The following WDFY4 variants were observed in gnomAD, a reference collection of about 807,000 sequenced individuals.
The protein encoded by WDFY4 is WD repeat- and FYVE domain-containing protein 4.
Under a neutral mutation model 351.9 loss-of-function variants are expected in WDFY4, and 169 were observed. The observed-to-expected ratio is 0.48, with a 90% CI of 0.42 to 0.55. The LOEUF (loss-of-function observed/expected upper bound fraction) is 0.55. Among genes scored for constraint, WDFY4 ranks in the 20% least tolerant of loss-of-function variants. The pLI is 0.00. For missense variants in WDFY4, 3,803 were observed against 3,935.6 expected, an observed-to-expected ratio of 0.97 and a Z score of 0.90; for synonymous variants, 1,622 against 1,574.6, an observed-to-expected ratio of 1.03 and a Z score of -0.71.
At chr10:48,921,860 T>G (rs1368873914) in intron 47 of WDFY4, among the ~76,000 whole-genome samples, 1 of 152,210 alleles carries the variant, frequency 6.6e-6, no homozygotes, top group Non-Finnish European at 1.5e-5. Context: ...TCTCATTCCT[T>G]GCTGATGGGA....
At chr10:48,808,787 G>A (rs2067342211) in intron 28 of WDFY4, among the ~76,000 whole-genome samples, 1 of 152,202 alleles carries the variant, frequency 6.6e-6, no homozygotes, top group Non-Finnish European at 1.5e-5. Context: ...CTTTTTGAAA[G>A]GGAATGTAGT....
At chr10:48,960,884 A>G (rs1010548670) in intron 53 of WDFY4, among the ~76,000 whole-genome samples, 1 of 152,212 alleles carries the variant, frequency 6.6e-6, no homozygotes, top group Non-Finnish European at 1.5e-5. Flanking sequence ...GAGGCAAACT[A>G]TAGGGACAGA....
At position 48,929,078 on chromosome 10, in the gene WDFY4, G is replaced by C. The variant is rs574351043; in HGVS notation, c.7587-12728G>C. On this transcript the variant is annotated intron_variant, in intron 47 of 61. Coordinates refer to ENST00000325239, the MANE Select transcript of WDFY4 (RefSeq NM_001394531.1). ...TTGGAAGATGCGCTTTTTTAGAAAG[G>C]GGGAGGCCAGGAGGGCCATCTTTGA... 3.3e-5 allele frequency among the ~76,000 whole-genome samples: 5 copies of C among 152,300 alleles called. No homozygotes were observed. The South Asian group carries it at 8.3e-4, about 25-fold the overall frequency.
At chr10:48,843,752 G>A (rs1039015229) in intron 39 of WDFY4, among the ~76,000 whole-genome samples, 1 of 152,218 alleles carries the variant, frequency 6.6e-6, no homozygotes, top group Non-Finnish European at 1.5e-5. Context: ...ACTTCCCAAT[G>A]TAAGATGTAC....
intron 47 of WDFY4, among the ~76,000 whole-genome samples, chr10:48,920,628 C>T (rs2133580084): frequency 6.6e-6 from 1 of 152,248 alleles, no homozygotes; most frequent in Admixed American, 6.5e-5. Context: ...CACACTTTCA[C>T]TATGTCTGTT....
chr10:48,731,795 A>G (rs1304452774), intron 9 of WDFY4, among the ~76,000 whole-genome samples: 1 of 152,176 alleles, frequency 6.6e-6, no homozygotes, highest in Non-Finnish European at 1.5e-5. Context: ...GTGAATTCCC[A>G]GGTTTTAGAT....
At position 48,923,506 on chromosome 10, in the gene WDFY4, A is replaced by ATATATATATATGTATGTATG. The variant is rs143983467; in HGVS notation, c.7587-18293_7587-18292insATATGTATGTATGTATATAT. 1.6e-4 allele frequency among the ~76,000 whole-genome samples: 18 copies of ATATATATATATGTATGTATG among 115,114 alleles called. 3 individuals are homozygous for ATATATATATATGTATGTATG. Among genetic ancestry groups the ATATATATATATGTATGTATG allele is most frequent in the East Asian group, 1.1e-3 (4 of 3,652 alleles). The allele number at this position is 115,114 out of a possible 152,430, so 75.5% of individuals were successfully genotyped here. Reference sequence around the variant, plus strand: ...AACAAATAGTTTTTAGTATATATATATATATATGTCCCAAATACCGCATAG... The same window carrying ATATATATATATGTATGTATG: ...AACAAATAGTTTTTAGTATATATATATATATATATATGTATGTATGTATATATGTCCCAAATACCGCATAG... On this transcript the variant is annotated intron_variant, in intron 47 of 61. Transcript: ENST00000325239.
At chr10:48,748,167 C>T (rs1251379454) in intron 12 of WDFY4, among the ~76,000 whole-genome samples, 1 of 152,170 alleles carries the variant, frequency 6.6e-6, no homozygotes, top group Non-Finnish European at 1.5e-5. Context: ...CTTATTCTGC[C>T]AGCTCTCAGG....
chr10:48,829,100 T>G (rs2068104607), intron 37 of WDFY4, among the ~76,000 whole-genome samples: 1 of 152,148 alleles, frequency 6.6e-6, no homozygotes, highest in African/African-American at 2.4e-5. Context: ...CAAGGCAAGC[T>G]GGTAGAAAGT....
intron 46 of WDFY4, 34 bp from the exon 47 acceptor site, chr10:48,901,767 T>C (rs1316785535): frequency 6.5e-7 from 1 of 1,549,516 alleles, no homozygotes; most frequent in Non-Finnish European, 8.7e-7. Context: ...GTCTTGACTC[T>C]GCTGATGGAA....
intron 59 of WDFY4, 64 bp from the exon 60 acceptor site, chr10:48,978,245 G>A (rs1842660004): frequency 6.6e-7 from 1 of 1,514,154 alleles, no homozygotes; most frequent in Non-Finnish European, 8.9e-7. Context: ...AAATGGACTA[G>A]GCCACTCCAA....
chr10:48,846,617 A>G (rs2068785515), intron 39 of WDFY4, among the ~76,000 whole-genome samples: 1 of 152,164 alleles, frequency 6.6e-6, no homozygotes, highest in Admixed American at 6.5e-5. Context: ...ATCTATGGGG[A>G]CCCAGCCTAA....
At chr10:48,722,112 A>G (rs945608835) in intron 4 of WDFY4, among the ~76,000 whole-genome samples, 1 of 152,148 alleles carries the variant, frequency 6.6e-6, no homozygotes. Flanking sequence ...TGAGATGGGC[A>G]TTTGCAGCCG....
chr10:48,776,773 G>A lies in WDFY4; in HGVS notation c.2887G>A (p.Ala963Thr), dbSNP rs2066045319. ...CSGSQTAQGL[A>T]EGPWPAAPDA... ...AGGGTCACAGACTGCACAGGGCTTG[G>A]CTGAGGGGCCCTGGCCAGCTGCCCC... Residue 963 changes from alanine (A) to threonine (T), a missense_variant, in exon 16 of 62, where the codon GCT becomes ACT. Coordinates refer to ENST00000325239, the MANE Select transcript of WDFY4 (RefSeq NM_001394531.1). 6.5e-7 allele frequency: 1 copy of A among 1,549,536 alleles called. No homozygotes were observed. The highest frequency in any genetic ancestry group is 1.4e-5 in the African/African-American group (1 of 73,030).
At position 48,709,864 on chromosome 10, in the gene WDFY4, G is replaced by A. The variant is rs2132206088; in HGVS notation, c.132G>A (p.Trp44Ter). 6.4e-7 allele frequency: 1 copy of A among 1,551,936 alleles called. No homozygotes were observed. ...GGQSSSPTAL[W>*]DMLERKFLEY... Reference sequence around the variant, plus strand: ...AGTCCTCCAGCCCCACAGCTCTCTGGGACATGCTGGAAAGGAAGTTTCTGG... The same window carrying A: ...AGTCCTCCAGCCCCACAGCTCTCTGAGACATGCTGGAAAGGAAGTTTCTGG... The change falls in exon 2 of 62, where the codon TGG (tryptophan) becomes TGA (stop). Residue 44 changes from tryptophan (W) to a stop codon, truncating the protein, a stop_gained. Transcript: ENST00000325239. LOFTEE classifies it high-confidence loss of function.
intron 43 of WDFY4, among the ~76,000 whole-genome samples, chr10:48,881,271 G>A (rs2070237025): frequency 6.6e-6 from 1 of 152,278 alleles, no homozygotes; most frequent in African/African-American, 2.4e-5. Context: ...TGGCCCAAGG[G>A]CCGTGTCAAG....
At chr10:48,729,026 C>G (rs545748883) in intron 7 of WDFY4, among the ~76,000 whole-genome samples, 2 of 152,190 alleles carry the variant, frequency 1.3e-5, no homozygotes, top group Non-Finnish European at 2.9e-5. Context: ...AATACAAAAG[C>G]CACACTCAAC....
chr10:48,875,932 T>C (rs2069985356), intron 42 of WDFY4, among the ~76,000 whole-genome samples: 1 of 152,156 alleles, frequency 6.6e-6, no homozygotes. Flanking sequence ...GCCCTACAAC[T>C]CTCACATGGA....
At chr10:48,832,760 C>A (rs983239323) in intron 39 of WDFY4, 51 bp downstream of exon 39, 4 of 1,465,360 alleles carry the variant, frequency 2.7e-6, no homozygotes, top group Non-Finnish European at 3.6e-6. Flanking sequence ...TTGCTTCAAA[C>A]CCCATGAGTC....
Sources: allele counts gnomAD v4.1 joint callset (sites outside exome capture counted in the v4.1 genomes callset), GRCh38; gene constraint gnomAD v4.1.1; transcripts MANE v1.5; gene names NCBI Gene and HGNC (gene_info 2026-07-23, HGNC 2026-07-21).